The following CPPED1 variants were observed in gnomAD, a reference collection of about 807,000 sequenced individuals.
The protein encoded by CPPED1 is serine/threonine-protein phosphatase CPPED1.
A neutral mutation model predicts 28.0 loss-of-function variants in CPPED1; 28 were observed. That is an observed-to-expected ratio of 1.00 (90% CI 0.74 to 1.37). The LOEUF (loss-of-function observed/expected upper bound fraction) is 1.37. Ranked by LOEUF, CPPED1 falls within the 40% of genes most tolerant of loss-of-function variation. The pLI is 0.00. For missense variants in CPPED1, 504 were observed against 416.5 expected (o/e 1.21, Z -1.83); for synonymous variants, 198 against 180.2 (o/e 1.10, Z -0.79).
At chr16:12,690,850 G>A (rs1470087219) in intron 3 of CPPED1, among the ~76,000 whole-genome samples, 1 of 152,136 alleles carries the variant, frequency 6.6e-6, no homozygotes, top group East Asian at 1.9e-4. Flanking sequence ...CCCTCACTTG[G>A]CAGATCCCTT....
At chr16:12,788,313 A>C (rs1003750698) in intron 1 of CPPED1, among the ~76,000 whole-genome samples, 1 of 152,230 alleles carries the variant, frequency 6.6e-6, no homozygotes, top group African/African-American at 2.4e-5. Context: ...GCTGAGAGTC[A>C]GCCATGGATG....
chr16:12,743,938 G>C (rs1192434149), intron 2 of CPPED1, among the ~76,000 whole-genome samples: 1 of 151,974 alleles, frequency 6.6e-6, no homozygotes, highest in African/African-American at 2.4e-5. Flanking sequence ...CAGGGCGACA[G>C]AGCAAGACCC....
At chr16:12,802,921 TGGGG>T (rs1567310843) in intron 1 of CPPED1, among the ~76,000 whole-genome samples, 1 of 152,166 alleles carries the variant, frequency 6.6e-6, no homozygotes, top group Non-Finnish European at 1.5e-5. Context: ...GTGACTTCCC[TGGGG>T]GTATAAAGCT....
rs61163755 is a variant in CPPED1 at position 12,660,497 on chromosome 16, ATGTGTGTGTGTGTGTG to A, written c.*4373_*4388del. Reference sequence around the variant, plus strand: ...GAAAAGAATCCTCCACTTTTACTATATGTGTGTGTGTGTGTGTGTGTGTGTGTGTGTGTGTGTACTC... The same window carrying A: ...GAAAAGAATCCTCCACTTTTACTATATGTGTGTGTGTGTGTGTGTGTACTC... On this transcript the variant is annotated 3_prime_UTR_variant, in exon 4 of 4. Transcript: ENST00000381774. 3.4e-5 allele frequency: 5 copies of A among 145,530 alleles called. No individual in the cohort carries two copies. The highest frequency in any genetic ancestry group is 2.3e-4 in the South Asian group (1 of 4,414). The allele number at this position is 145,530 out of a possible 1,614,324, so 9.0% of individuals were successfully genotyped here. A position where few individuals can be genotyped will look rare whatever the true frequency, so the allele number is the denominator to read the frequency against.
chr16:12,687,684 A>G (rs1452819440), intron 3 of CPPED1, among the ~76,000 whole-genome samples: 1 of 152,160 alleles, frequency 6.6e-6, no homozygotes, highest in Non-Finnish European at 1.5e-5. Flanking sequence ...GGTTGCAGTA[A>G]GCAAGAAAAT....
chr16:12,772,203 T>C (rs1266904453), intron 2 of CPPED1, among the ~76,000 whole-genome samples: 1 of 152,224 alleles, frequency 6.6e-6, no homozygotes, highest in African/African-American at 2.4e-5. Flanking sequence ...CCATGGCTAC[T>C]GTTATCAGGA....
At chr16:12,778,740 A>G (rs2080512805) in intron 2 of CPPED1, among the ~76,000 whole-genome samples, 1 of 152,232 alleles carries the variant, frequency 6.6e-6, no homozygotes, top group Non-Finnish European at 1.5e-5. Flanking sequence ...GAAACCACTT[A>G]TTGCATATTA....
chr16:12,783,827 A>G (rs1238650416), intron 1 of CPPED1, among the ~76,000 whole-genome samples: 1 of 152,220 alleles, frequency 6.6e-6, no homozygotes, highest in Admixed American at 6.5e-5. Context: ...TTCAATTACA[A>G]TGGGCCAGAA....
chr16:12,794,585 CT>C (rs2080615896), intron 1 of CPPED1, among the ~76,000 whole-genome samples: 1 of 151,944 alleles, frequency 6.6e-6, no homozygotes, highest in South Asian at 2.1e-4. Context: ...AGATTCCAGA[CT>C]TTTTTCAGAT....
intron 1 of CPPED1, among the ~76,000 whole-genome samples, chr16:12,791,250 G>C (rs531431692): frequency 2.0e-5 from 3 of 152,038 alleles, no homozygotes; most frequent in East Asian, 3.9e-4. Context: ...GGTGTGTGAT[G>C]TTCCCCTCCC....
rs920923093 is a variant in CPPED1 at position 12,756,023 on chromosome 16, C to A, written c.289+25162G>T. 5.9e-5 allele frequency among the ~76,000 whole-genome samples: 9 copies of A among 151,618 alleles called. No homozygotes were observed. In the East Asian group the frequency reaches 7.8e-4, roughly 13 times the overall value. On this transcript the variant is annotated intron_variant, in intron 2 of 3. Coordinates refer to ENST00000381774, the MANE Select transcript of CPPED1 (RefSeq NM_018340.3). ...GCGGGCACCTGTAGTCCCAGCTACT[C>A]GGGAGGCTGAGGCAGGAGAATGGCG...
intron 2 of CPPED1, among the ~76,000 whole-genome samples, chr16:12,721,215 G>C (rs1005596952): frequency 3.3e-5 from 5 of 152,026 alleles, no homozygotes; most frequent in Non-Finnish European, 5.9e-5. Context: ...CAATCAGAAA[G>C]ACAGGCAGAT....
chr16:12,717,873 C>T (rs560279503), intron 2 of CPPED1, among the ~76,000 whole-genome samples: 4 of 151,992 alleles, frequency 2.6e-5, no homozygotes, highest in Non-Finnish European at 4.4e-5. Flanking sequence ...AACTCCTGAC[C>T]TCAAGTGATC....
At chr16:12,699,233 T>G (rs1427087030) in intron 3 of CPPED1, among the ~76,000 whole-genome samples, 1 of 152,182 alleles carries the variant, frequency 6.6e-6, no homozygotes, top group Non-Finnish European at 1.5e-5. Flanking sequence ...GCAGGTGAAA[T>G]GAAGACAGAA....
intron 3 of CPPED1, among the ~76,000 whole-genome samples, chr16:12,696,958 C>T (rs554797265): frequency 1.1e-4 from 16 of 152,272 alleles, no homozygotes; most frequent in Admixed American, 9.2e-4. Flanking sequence ...TCCCCCTGTA[C>T]AAACCTCCAA....
intron 2 of CPPED1, among the ~76,000 whole-genome samples, chr16:12,766,277 G>A (rs112272904): frequency 0.035 from 4,143 of 116,748 alleles, 197 homozygotes; most frequent in African/African-American, 0.094. Flanking sequence ...AGAGAGAGAG[G>A]GAGAGAGAGA....
At chr16:12,732,494 G>GGAGAGA (rs35298221) in intron 2 of CPPED1, among the ~76,000 whole-genome samples, 2 of 145,330 alleles carry the variant, frequency 1.4e-5, no homozygotes, top group African/African-American at 5.1e-5. Flanking sequence ...ACACACAGAT[G>GGAGAGA]GAGAGAGAGA....
intron 2 of CPPED1, among the ~76,000 whole-genome samples, chr16:12,768,888 G>A (rs1354042127): frequency 2.2e-5 from 3 of 138,962 alleles, no homozygotes; most frequent in African/African-American, 7.8e-5. Flanking sequence ...TTTTTGAGAC[G>A]GAGTTTCACT....
intron 3 of CPPED1, among the ~76,000 whole-genome samples, chr16:12,679,943 G>C (rs2079896631): frequency 6.6e-6 from 1 of 152,166 alleles, no homozygotes; most frequent in African/African-American, 2.4e-5. Context: ...CAATGGAAAA[G>C]AGAAGAGACT....
Sources: allele counts gnomAD v4.1 joint callset (sites outside exome capture counted in the v4.1 genomes callset), GRCh38; gene constraint gnomAD v4.1.1; transcripts MANE v1.5; gene names NCBI Gene and HGNC (gene_info 2026-07-23, HGNC 2026-07-21).